The following LIN52 variants were observed in gnomAD, a reference collection of about 807,000 sequenced individuals.
The protein encoded by LIN52 is protein lin-52 homolog.
Under a neutral mutation model 18.5 loss-of-function variants are expected in LIN52, and 4 were observed. The ratio of observed to expected loss-of-function variants is 0.22; its 90% confidence interval spans 0.11 to 0.49. The LOEUF (loss-of-function observed/expected upper bound fraction) is 0.49. LIN52 is among the 20% of genes least tolerant of loss of function. The pLI, the probability that LIN52 is intolerant of heterozygous loss-of-function variation, is 0.97. For missense variants in LIN52, 102 were observed against 139.5 expected (o/e 0.73, Z 1.35); for synonymous variants, 34 against 45.5 (o/e 0.75, Z 1.02).
chr14:74,103,733 GTTTTTTTTTTTTTTTTTTTTTTTT>G (rs573188668), intron 5 of LIN52, among the ~76,000 whole-genome samples: 6 of 46,024 alleles, frequency 1.3e-4, no homozygotes, highest in Admixed American at 3.6e-4. Context: ...GGCCTGGCCA[GTTTTTTTTTTTTTTTTTTTTTTTT>G]TTTTTTTTTT....
chr14:74,120,136 T>G (rs1322645522), intron 5 of LIN52, among the ~76,000 whole-genome samples: 1 of 151,942 alleles, frequency 6.6e-6, no homozygotes, highest in Non-Finnish European at 1.5e-5. Flanking sequence ...GAGCCTGGCT[T>G]GGATTATCAG....
chr14:74,094,824 T>C (rs1408415558), intron 2 of LIN52, among the ~76,000 whole-genome samples: 1 of 150,692 alleles, frequency 6.6e-6, no homozygotes, highest in East Asian at 2.0e-4. Context: ...ACCTCCCGGG[T>C]TCAAGCAATT....
At chr14:74,159,904 C>A (rs11845418) in intron 5 of LIN52, among the ~76,000 whole-genome samples, 118,025 of 152,104 alleles carry the variant, frequency 0.78, 46,104 homozygotes, top group Admixed American at 0.81. Flanking sequence ...TATGACAAAC[C>A]TACCATACAG....
At chr14:74,187,371 T>C (rs2061345391) in intron 5 of LIN52, among the ~76,000 whole-genome samples, 1 of 152,232 alleles carries the variant, frequency 6.6e-6, no homozygotes, top group Non-Finnish European at 1.5e-5. Flanking sequence ...TTGATTCTCA[T>C]TTTAACCTGA....
At chr14:74,179,661 A>AAAAAAAAAG (rs1237860812) in intron 5 of LIN52, among the ~76,000 whole-genome samples, 1 of 90,714 alleles carries the variant, frequency 1.1e-5, no homozygotes, top group African/African-American at 3.4e-5. Flanking sequence ...ATCTCAAAAA[A>AAAAAAAAAG]AAAAAAAAGA....
In LIN52 at chr14:74,200,878, G is replaced by C. The variant is rs982963537; in HGVS notation, c.*1901G>C. 1 of 152,172 alleles carries C rather than the reference G, an allele frequency of 6.6e-6. No homozygotes were observed. Among genetic ancestry groups the C allele is most frequent in the African/African-American group, 2.4e-5 (1 of 41,436 alleles). 9.4% of individuals were successfully genotyped at this position (152,172 alleles called of 1,614,324 possible). On this transcript the variant is annotated 3_prime_UTR_variant, in exon 6 of 6. Transcript: ENST00000555028. ...TAATGTCAAATTCTTCCTTTGCTCT[G>C]TTTTTGAGAGTTGATGACATCAGGC...
intron 5 of LIN52, among the ~76,000 whole-genome samples, chr14:74,121,882 G>A (rs781156765): frequency 4.6e-5 from 7 of 151,890 alleles, no homozygotes; most frequent in East Asian, 1.9e-4. Context: ...CACACCACGC[G>A]TGGCTAATTT....
At chr14:74,088,435 A>T (rs1031402538) in intron 1 of LIN52, among the ~76,000 whole-genome samples, 1 of 152,022 alleles carries the variant, frequency 6.6e-6, no homozygotes, top group Non-Finnish European at 1.5e-5. Flanking sequence ...GTTGCCCAGG[A>T]TGGTCTCAAA....
At chr14:74,191,013 G>A (rs1439771708) in intron 5 of LIN52, among the ~76,000 whole-genome samples, 2 of 152,212 alleles carry the variant, frequency 1.3e-5, no homozygotes, top group Non-Finnish European at 2.9e-5. Flanking sequence ...CTTAGTCCTT[G>A]ACTTATTGAT....
At chr14:74,178,865 G>A (rs2061304435) in intron 5 of LIN52, among the ~76,000 whole-genome samples, 1 of 151,834 alleles carries the variant, frequency 6.6e-6, no homozygotes, top group African/African-American at 2.4e-5. Flanking sequence ...AGGATCACTT[G>A]AGGCCAGGAG....
intron 5 of LIN52, among the ~76,000 whole-genome samples, chr14:74,161,936 G>C (rs8021750): frequency 0.13 from 19,635 of 152,178 alleles, 1,940 homozygotes; most frequent in East Asian, 0.58. Flanking sequence ...CAAAGCACCA[G>C]GCTAAGTGAC....
At chr14:74,124,655 G>A (rs1357387769) in intron 5 of LIN52, among the ~76,000 whole-genome samples, 1 of 151,506 alleles carries the variant, frequency 6.6e-6, no homozygotes, top group Non-Finnish European at 1.5e-5. Context: ...TGCAAAAAAT[G>A]CAAAATTAGC....
intron 5 of LIN52, among the ~76,000 whole-genome samples, chr14:74,182,676 CT>C (rs1020380300): frequency 6.6e-6 from 1 of 152,070 alleles, no homozygotes; most frequent in African/African-American, 2.4e-5. Flanking sequence ...TAAGCTATTC[CT>C]TTTTGTGACT....
At chr14:74,190,340 A>G (rs111835842) in intron 5 of LIN52, among the ~76,000 whole-genome samples, 4 of 148,954 alleles carry the variant, frequency 2.7e-5, no homozygotes, top group African/African-American at 9.8e-5. Flanking sequence ...TTTCTCAGGT[A>G]TATAGTATTT....
chr14:74,092,571 G>A (rs929616176), intron 2 of LIN52, among the ~76,000 whole-genome samples: 2 of 151,738 alleles, frequency 1.3e-5, no homozygotes, highest in Non-Finnish European at 2.9e-5. Flanking sequence ...CTCCCAGAGT[G>A]CTGGGATTAC....
chr14:74,125,515 C>T (rs7144191), intron 5 of LIN52, among the ~76,000 whole-genome samples: 2 of 151,714 alleles, frequency 1.3e-5, no homozygotes, highest in Non-Finnish European at 2.9e-5. Flanking sequence ...TCTGGATATT[C>T]GCCCTTTGTC....
chr14:74,148,537 CTT>C (rs931961015), intron 5 of LIN52, among the ~76,000 whole-genome samples: 4 of 151,980 alleles, frequency 2.6e-5, no homozygotes, highest in Admixed American at 2.0e-4. Context: ...TGGAAAAAGT[CTT>C]ATAAAAAAAG....
At chr14:74,154,560 C>T (rs1163940947) in intron 5 of LIN52, among the ~76,000 whole-genome samples, 1 of 152,208 alleles carries the variant, frequency 6.6e-6, no homozygotes, top group Non-Finnish European at 1.5e-5. Context: ...ATGATCTGCT[C>T]ATATCCCTGA....
chr14:74,104,245 T>C (rs1489154196), intron 5 of LIN52, among the ~76,000 whole-genome samples: 1 of 152,188 alleles, frequency 6.6e-6, no homozygotes, highest in Non-Finnish European at 1.5e-5. Context: ...TTATTATAAC[T>C]ACAATTTTTT....
Sources: gnomAD v4.1 joint callset for allele counts (sites outside exome capture counted in the v4.1 genomes callset) on GRCh38, gnomAD v4.1.1 for gene constraint, MANE v1.5 for transcripts, NCBI Gene and HGNC (gene_info 2026-07-23, HGNC 2026-07-21) for gene names.